Variants in SLC16A1 observed in about 807,000 individuals in gnomAD.
SLC16A1 encodes monocarboxylate transporter 1.
Under a neutral mutation model 32.2 loss-of-function variants are expected in SLC16A1, and 11 were observed. The observed-to-expected ratio is 0.34, with a 90% CI of 0.21 to 0.56. The LOEUF is 0.56. Ranked by LOEUF, SLC16A1 falls within the 20% of genes least tolerant of loss-of-function variation. The probability of loss-of-function intolerance (pLI) is 0.87; values close to 1 mark genes in which losing one functional copy is unlikely to be tolerated. For missense variants in SLC16A1, 435 were observed against 615.0 expected (o/e 0.71, Z 3.10); for synonymous variants, 231 against 226.8 (o/e 1.02, Z -0.17).
intron 2 of SLC16A1, chr1:112,924,037 A>G: frequency 1.5e-6 from 2 of 1,297,638 alleles, no homozygotes; most frequent in South Asian, 2.4e-5. Flanking sequence ...CAATGGGCAG[A>G]GATCTACAGG....
intron 2 of SLC16A1, 167 bp from the exon 3 acceptor site, chr1:112,922,300 G>A: frequency 3.0e-6 from 2 of 661,164 alleles, no homozygotes; most frequent in South Asian, 1.9e-5. Flanking sequence ...AAATAAAGAT[G>A]TTAGAAAACA....
At chr1:112,918,103 ATAAGAGGT>A in intron 3 of SLC16A1, 59 bp from the exon 4 acceptor site, 5 of 940,890 alleles carry the variant, frequency 5.3e-6, no homozygotes, top group Non-Finnish European at 6.8e-6. Context: ...TAAATAAATA[ATAAGAGGT>A]ATAAATAATG....
chr1:112,927,738 T>C (rs999240828), intron 2 of SLC16A1, among the ~76,000 whole-genome samples: 3 of 152,358 alleles, frequency 2.0e-5, no homozygotes, highest in Non-Finnish European at 2.9e-5. Flanking sequence ...AAGAAGGAAC[T>C]GTTTCCCCAA....
At chr1:112,945,774 C>A (rs1051136674) in intron 1 of SLC16A1, among the ~76,000 whole-genome samples, 16 of 151,652 alleles carry the variant, frequency 1.1e-4, no homozygotes, top group Admixed American at 1.3e-4. Flanking sequence ...AGACAGATCA[C>A]CTGAGGTTGG....
intron 1 of SLC16A1, among the ~76,000 whole-genome samples, chr1:112,944,896 C>T (rs28556822): frequency 0.3 from 45,597 of 151,742 alleles, 8,766 homozygotes; most frequent in African/African-American, 0.54. Flanking sequence ...TTTCACCGTG[C>T]TGGCTAGGCT....
At chr1:112,952,736 A>T (rs953328878) in intron 1 of SLC16A1, among the ~76,000 whole-genome samples, 2 of 152,206 alleles carry the variant, frequency 1.3e-5, no homozygotes, top group Non-Finnish European at 2.9e-5. Flanking sequence ...AACTGTTCAA[A>T]AGGGAAAAAA....
rs1213975454 is a variant in SLC16A1 at position 112,913,487 on chromosome 1, A to T, written c.*404T>A. 2 of 173,432 alleles carry T rather than the reference A, an allele frequency of 1.2e-5. No homozygotes were observed. The highest frequency in any genetic ancestry group is 2.5e-5 in the Non-Finnish European group (2 of 80,084). The allele number at this position is 173,432 out of a possible 1,614,324, so 10.7% of individuals were successfully genotyped here. On this transcript the variant is annotated 3_prime_UTR_variant, in exon 5 of 5. Transcript: ENST00000369626. The stretch of plus-strand genomic sequence containing the variant: ...TGAAGCAAGATTAATTTTAAATTTT[A>T]GATTTGCCTCAAACAAGTTAGTTGT...
chr1:112,933,321 G>A (rs1002848646), intron 1 of SLC16A1, among the ~76,000 whole-genome samples: 16 of 151,962 alleles, frequency 1.1e-4, no homozygotes, highest in Admixed American at 7.2e-4. Context: ...GTGTGGTGGC[G>A]TGTGCCTGTA....
At position 112,911,970 on chromosome 1, in the gene SLC16A1, T is replaced by C. The variant is rs1289687418; in HGVS notation, c.*1921A>G. The C allele has an allele frequency of 1.3e-5, 2 of 152,242 alleles. No homozygotes were observed. The highest frequency in any genetic ancestry group is 2.9e-5 in the Non-Finnish European group (2 of 68,046). The allele number at this position is 152,242 out of a possible 1,614,324, so 9.4% of individuals were successfully genotyped here. On this transcript the variant is annotated 3_prime_UTR_variant, in exon 5 of 5. Transcript: ENST00000369626. Reference sequence around the variant, plus strand: ...AAGAAGTACGCAGAGGTTACAGACTTGGGTCCAAAGAAAATTACAGAGTCC... The same window carrying C: ...AAGAAGTACGCAGAGGTTACAGACTCGGGTCCAAAGAAAATTACAGAGTCC...
At chr1:112,928,819 TAA>T (rs1244550337) in intron 2 of SLC16A1, among the ~76,000 whole-genome samples, 2 of 152,214 alleles carry the variant, frequency 1.3e-5, no homozygotes, top group African/African-American at 4.8e-5. Flanking sequence ...ATCATTTTTA[TAA>T]CAGTCTTTTA....
rs1444453414 is a variant in SLC16A1 at position 112,949,194 on chromosome 1, C to T, written c.-45+6841G>A. 2.0e-5 allele frequency among the ~76,000 whole-genome samples: 3 copies of T among 152,080 alleles called. No individual in the cohort carries two copies. The East Asian group carries it at 5.8e-4, about 29-fold the overall frequency. ...CCTCCCAAGTAGCTGGGATTACAGG[C>T]ATGCGTCACCATGCCCGGCTAATTT... On this transcript the variant is annotated intron_variant, in intron 1 of 4. Coordinates refer to ENST00000369626, the MANE Select transcript of SLC16A1 (RefSeq NM_003051.4).
chr1:112,920,953 C>T (rs940538331), intron 3 of SLC16A1, among the ~76,000 whole-genome samples: 59 of 151,608 alleles, frequency 3.9e-4, no homozygotes, highest in African/African-American at 1.4e-3. Flanking sequence ...CTGACTAATG[C>T]GATGAAACCC....
At chr1:112,923,634 G>C (rs867636036) in intron 2 of SLC16A1, 1 of 1,439,336 alleles carries the variant, frequency 6.9e-7, no homozygotes, top group African/African-American at 1.4e-5. Context: ...GTTCCAGCTG[G>C]AGACGTCACT....
intron 1 of SLC16A1, among the ~76,000 whole-genome samples, chr1:112,940,501 T>C (rs1050189216): frequency 1.3e-5 from 2 of 152,162 alleles, no homozygotes; most frequent in African/African-American, 2.4e-5. Flanking sequence ...TGATACCTAA[T>C]GGTTTATTCA....
intron 1 of SLC16A1, among the ~76,000 whole-genome samples, chr1:112,932,101 T>G (rs1649150966): frequency 6.6e-6 from 1 of 151,882 alleles, no homozygotes; most frequent in Non-Finnish European, 1.5e-5. Context: ...ATTGCGGGAG[T>G]ATGATGAAAA....
chr1:112,943,188 G>A (rs1649569315), intron 1 of SLC16A1, among the ~76,000 whole-genome samples: 1 of 152,154 alleles, frequency 6.6e-6, no homozygotes, highest in South Asian at 2.1e-4. Flanking sequence ...ACCCACATCA[G>A]TACAACTTTT....
intron 1 of SLC16A1, among the ~76,000 whole-genome samples, chr1:112,947,304 C>T (rs1649738582): frequency 1.3e-5 from 2 of 152,112 alleles, no homozygotes; most frequent in Non-Finnish European, 2.9e-5. Context: ...ATTAAAGTTA[C>T]AAATAAGTGA....
At chr1:112,919,083 T>G (rs1439242434) in intron 3 of SLC16A1, among the ~76,000 whole-genome samples, 1 of 150,372 alleles carries the variant, frequency 6.7e-6, no homozygotes, top group African/African-American at 2.4e-5. Context: ...CAGGCTGGAG[T>G]GCAGTGGCGC....
chr1:112,917,625 T>C lies in SLC16A1; in HGVS notation c.781A>G (p.Arg261Gly). ...CCAGAGAGGTATAGCAAAAAGCCTC[T>C]GTGGGTGAATAGGGTTAAGTCCAGG... ...QFLDLTLFTH[R>G]GFLLYLSGNV... The change falls in exon 4 of 5, where the codon AGA becomes GGA. Residue 261 changes from arginine (R) to glycine (G), a missense_variant. Coordinates refer to ENST00000369626, the MANE Select transcript of SLC16A1 (RefSeq NM_003051.4). This position sits in a 1 kb window ranked among gnomAD's most constrained non-coding sequence, Gnocchi z 4.1. The C allele has an allele frequency of 6.2e-7, 1 of 1,614,252 alleles. No individual in the cohort carries two copies. The highest frequency in any genetic ancestry group is 8.5e-7 in the Non-Finnish European group (1 of 1,180,040).
Sources: allele counts gnomAD v4.1 joint callset (sites outside exome capture counted in the v4.1 genomes callset), GRCh38; gene constraint gnomAD v4.1.1; non-coding constraint Gnocchi (gnomAD v3.1); transcripts MANE v1.5; gene names NCBI Gene and HGNC (gene_info 2026-07-23, HGNC 2026-07-21).